The following ZNF708 variants were observed in gnomAD, a reference collection of about 807,000 sequenced individuals.
ZNF708 encodes the protein zinc finger protein 708.
ZNF708 carries 44 observed loss-of-function variants against 47.0 expected under a neutral mutation model. That is an observed-to-expected ratio of 0.94 (90% CI 0.74 to 1.20). ZNF708 has a LOEUF of 1.20. Ranked by LOEUF, ZNF708 falls within the 50% of genes most tolerant of loss-of-function variation. The pLI is 0.00. For missense variants in ZNF708, 557 were observed against 656.0 expected, an observed-to-expected ratio of 0.85 and a Z score of 1.65; for synonymous variants, 184 against 218.5, an observed-to-expected ratio of 0.84 and a Z score of 1.39.
intron 1 of ZNF708, among the ~76,000 whole-genome samples, chr19:21,313,751 A>G (rs925230908): frequency 1.5e-5 from 1 of 66,350 alleles, no homozygotes; most frequent in Non-Finnish European, 3.4e-5. Context: ...GTGCGAGACT[A>G]TGTCTCAAAA....
chr19:21,309,907 G>A (rs1972861481), intron 2 of ZNF708, among the ~76,000 whole-genome samples: 1 of 152,130 alleles, frequency 6.6e-6, no homozygotes, highest in Non-Finnish European at 1.5e-5. Context: ...TAGATTTTAA[G>A]GTGTGGGCAA....
intron 3 of ZNF708, among the ~76,000 whole-genome samples, chr19:21,305,631 G>A (rs865847860): frequency 5.3e-5 from 8 of 151,310 alleles, no homozygotes; most frequent in Admixed American, 1.3e-4. Context: ...GCTAATTTTC[G>A]TATTTTTTTT....
At chr19:21,297,270 ATTTTTTTTTTT>A (rs1157234305) in intron 3 of ZNF708, among the ~76,000 whole-genome samples, 110 of 46,652 alleles carry the variant, frequency 2.4e-3, no homozygotes, top group Admixed American at 4.1e-3. Context: ...ATATATATAT[ATTTTTTTTTTT>A]TTTTTTTTTT....
intron 2 of ZNF708, 48 bp from the exon 3 acceptor site, chr19:21,309,389 T>C (rs747458504): frequency 1.4e-6 from 2 of 1,476,358 alleles, no homozygotes; most frequent in Admixed American, 2.0e-5. Flanking sequence ...TATTCTCCAA[T>C]TACCAACCTA....
intron 2 of ZNF708, among the ~76,000 whole-genome samples, 175 bp downstream of exon 2, chr19:21,310,326 T>C (rs1327865381): frequency 6.6e-6 from 1 of 151,312 alleles, no homozygotes; most frequent in Admixed American, 6.6e-5. Flanking sequence ...ATGCCTGTAA[T>C]CTCAGCTACG....
At chr19:21,308,096 A>C (rs1226677677) in intron 3 of ZNF708, among the ~76,000 whole-genome samples, 1 of 152,062 alleles carries the variant, frequency 6.6e-6, no homozygotes, top group Non-Finnish European at 1.5e-5. Context: ...CAATGATGAA[A>C]TCAGAGAAGA....
At chr19:21,320,975 A>T (rs1973119254) in intron 1 of ZNF708, among the ~76,000 whole-genome samples, 1 of 151,902 alleles carries the variant, frequency 6.6e-6, no homozygotes, top group Non-Finnish European at 1.5e-5. Flanking sequence ...CCCCGTCTCT[A>T]CTAAAAATAC....
At chr19:21,306,955 TAAC>T (rs1272104971) in intron 3 of ZNF708, 1 of 24,190 alleles carries the variant, frequency 4.1e-5, no homozygotes, top group Admixed American at 2.7e-4. Context: ...AAAAGAAAAA[TAAC>T]ATAACATAAC....
At chr19:21,317,796 A>T (rs1439332428) in intron 1 of ZNF708, among the ~76,000 whole-genome samples, 3 of 152,294 alleles carry the variant, frequency 2.0e-5, no homozygotes, top group African/African-American at 7.2e-5. Context: ...GATGCCACCT[A>T]TCTATGCTAA....
intron 1 of ZNF708, among the ~76,000 whole-genome samples, chr19:21,323,685 C>T (rs908403790): frequency 2.0e-5 from 3 of 152,106 alleles, no homozygotes; most frequent in South Asian, 2.1e-4. Context: ...TTCAGTAAGA[C>T]CCTCCCAATC....
chr19:21,305,740 C>T (rs140654819), intron 3 of ZNF708, among the ~76,000 whole-genome samples: 2,147 of 152,220 alleles, frequency 0.014, 23 homozygotes, highest in Non-Finnish European at 0.024. Context: ...GGATTACAAG[C>T]GTGAGCCACC....
At chr19:21,310,744 G>T in intron 1 of ZNF708, 117 bp from the exon 2 acceptor site, 1 of 679,804 alleles carries the variant, frequency 1.5e-6, no homozygotes, top group Non-Finnish European at 2.0e-6. Flanking sequence ...AGGAGTGACT[G>T]AAATTATCCA....
chr19:21,304,215 T>G (rs1222599672), intron 3 of ZNF708, among the ~76,000 whole-genome samples: 2 of 151,564 alleles, frequency 1.3e-5, no homozygotes, highest in African/African-American at 4.8e-5. Flanking sequence ...AGTGGACACA[T>G]CACACAGTAA....
chr19:21,293,751 T>C lies in ZNF708; in HGVS notation c.1215A>G (p.Ser405=). Residue 405 remains serine, a synonymous_variant, in exon 4 of 4, where the codon TCA becomes TCG. Coordinates refer to ENST00000356929, the MANE Select transcript of ZNF708 (RefSeq NM_021269.3). ...GAATTACCTTATGATAAGTAAGAGT[T>C]GAGGACTTGGTAAAGGCTTTACCAC... ...EECGKAFTKS[S]TLTYHKVIHT... 6.2e-7 allele frequency: 1 copy of C among 1,613,482 alleles called. No homozygotes were observed. Among genetic ancestry groups the C allele is most frequent in the Non-Finnish European group, 8.5e-7 (1 of 1,179,816 alleles).
chr19:21,316,126 C>CTTTTTT (rs1243985592), intron 1 of ZNF708, among the ~76,000 whole-genome samples: 1 of 70,024 alleles, frequency 1.4e-5, no homozygotes, highest in African/African-American at 5.8e-5. Flanking sequence ...CTTTTCTTTT[C>CTTTTTT]TTTTTTCTTT....
At chr19:21,323,041 T>C (rs538091828) in intron 1 of ZNF708, among the ~76,000 whole-genome samples, 1 of 152,262 alleles carries the variant, frequency 6.6e-6, no homozygotes, top group Non-Finnish European at 1.5e-5. Flanking sequence ...CAGTTTATTA[T>C]AAAAGATACA....
chr19:21,308,980 A>G (rs537509181), intron 3 of ZNF708, among the ~76,000 whole-genome samples: 7 of 152,270 alleles, frequency 4.6e-5, no homozygotes, highest in African/African-American at 1.7e-4. Flanking sequence ...ATGGAAAAAA[A>G]AAGTCAGATT....
rs969029545 is a variant in ZNF708 at position 21,300,608 on chromosome 19, C to G, written c.227-5869G>C. Among the ~76,000 whole-genome samples, 11 of 151,216 alleles carry G rather than the reference C, an allele frequency of 7.3e-5. No individual in the cohort carries two copies. The South Asian group carries it at 1.9e-3, about 26-fold the overall frequency. Reference sequence around the variant, plus strand: ...CTGATTCATATTTAATTTTGCTTGACATTGTCTTAAATTGCATTGAGTTAA... The same window carrying G: ...CTGATTCATATTTAATTTTGCTTGAGATTGTCTTAAATTGCATTGAGTTAA... On this transcript the variant is annotated intron_variant, in intron 3 of 3. Transcript: ENST00000356929.
At position 21,293,110 on chromosome 19, in the gene ZNF708, T is replaced by A; in HGVS notation, c.*164A>T. On this transcript the variant is annotated 3_prime_UTR_variant, in exon 4 of 4. Transcript: ENST00000356929. ...CAGTTAAATGCTTTGCCACATTCTT[T>A]ACATTTGTAGGGTTTCTCTCTAGTA... 2 of 934,304 alleles carry A rather than the reference T, an allele frequency of 2.1e-6. No homozygotes were observed. Among genetic ancestry groups the A allele is most frequent in the Non-Finnish European group, 3.3e-6 (2 of 611,838 alleles). The allele number at this position is 934,304 out of a possible 1,614,324, so 57.9% of individuals were successfully genotyped here. A position where few individuals can be genotyped will look rare whatever the true frequency, so the allele number is the denominator to read the frequency against.
Sources: gnomAD v4.1 joint callset for allele counts (sites outside exome capture counted in the v4.1 genomes callset) on GRCh38, gnomAD v4.1.1 for gene constraint, MANE v1.5 for transcripts, NCBI Gene and HGNC (gene_info 2026-07-23, HGNC 2026-07-21) for gene names.